Variants in TIAM2 observed in about 807,000 individuals in gnomAD.
TIAM2 encodes the protein rho guanine nucleotide exchange factor TIAM2.
TIAM2 carries 80 observed loss-of-function variants against 152.9 expected under a neutral mutation model. The ratio of observed to expected loss-of-function variants is 0.52; its 90% confidence interval spans 0.44 to 0.63. The LOEUF is 0.63. Ranked by LOEUF, TIAM2 falls within the 30% of genes least tolerant of loss-of-function variation. TIAM2 has a pLI of 0.00. For synonymous variants in TIAM2, 804 were observed against 838.0 expected (o/e 0.96, Z 0.70); for missense variants, 1,965 against 2,120.1 (o/e 0.93, Z 1.44).
In TIAM2 at chr6:154,995,766, C is replaced by G. The variant is rs1328544832; in HGVS notation, c.-209+274C>G. On this transcript the variant is annotated intron_variant, in intron 1 of 26. Transcript: ENST00000682666. This position sits in a 1 kb window ranked among gnomAD's most constrained non-coding sequence, Gnocchi z 5.2. ...TTCCAGAAGGCTCTGAAACTAGGTC[C>G]CCTGGTCCCCTCGCGCTGCGCGACA... Among the ~76,000 whole-genome samples the G allele has an allele frequency of 1.3e-5, 2 of 152,166 alleles. No homozygotes were observed. The highest frequency in any genetic ancestry group is 1.3e-4 in the Admixed American group (2 of 15,286).
intron 14 of TIAM2, among the ~76,000 whole-genome samples, chr6:155,201,545 A>G (rs960242318): frequency 3.3e-5 from 5 of 152,194 alleles, no homozygotes; most frequent in Non-Finnish European, 7.4e-5. Flanking sequence ...ATAAAACCCC[A>G]TGGGAGGCTC....
chr6:155,217,876 T>C (rs9383745), intron 15 of TIAM2, among the ~76,000 whole-genome samples: 7,231 of 152,350 alleles, frequency 0.047, 303 homozygotes, highest in East Asian at 0.21. Flanking sequence ...TGGTTTTTAG[T>C]GTACAGCGTG....
rs530977644 is a variant in TIAM2 at position 155,253,832 on chromosome 6, A to G, written c.4226-141A>G. 13 of 617,866 alleles carry G rather than the reference A, an allele frequency of 2.1e-5. 1 individual carries two copies. The South Asian group carries it at 2.7e-4, about 13-fold the overall frequency. The allele number at this position is 617,866 out of a possible 1,614,324, so 38.3% of individuals were successfully genotyped here. A position where few individuals can be genotyped will look rare whatever the true frequency, so the allele number is the denominator to read the frequency against. On this transcript the variant is annotated intron_variant, in intron 24 of 26. Coordinates refer to ENST00000682666, the MANE Select transcript of TIAM2 (RefSeq NM_012454.4). ...TCTTGTAACTGTGAAAATCATACAT[A>G]GAACAAGCCACAGAAGAAAATGAGC...
At chr6:155,244,943 TA>T (rs1289912185) in intron 18 of TIAM2, 160 bp downstream of exon 18, 6 of 931,106 alleles carry the variant, frequency 6.4e-6, no homozygotes, top group Non-Finnish European at 8.9e-6. Flanking sequence ...TGTCAGGTGG[TA>T]AAGGAAGGCT....
intron 1 of TIAM2, among the ~76,000 whole-genome samples, chr6:155,004,626 C>T (rs1384515964): frequency 6.6e-6 from 1 of 151,884 alleles, no homozygotes; most frequent in African/African-American, 2.4e-5. Context: ...AATCTCCTGA[C>T]CTTGTGATCT....
chr6:155,061,695 A>G (rs1347726181), intron 1 of TIAM2, among the ~76,000 whole-genome samples: 6 of 152,266 alleles, frequency 3.9e-5, no homozygotes, highest in African/African-American at 1.4e-4. Flanking sequence ...AGTTATTTAG[A>G]TCAGCTCCTT....
chr6:155,037,676 C>T lies in TIAM2; in HGVS notation c.-209+42184C>T, dbSNP rs529585366. Among the ~76,000 whole-genome samples, 545 of 152,172 alleles carry T rather than the reference C, an allele frequency of 3.6e-3. 2 individuals carry two copies. The highest frequency in any genetic ancestry group is 0.011 in the African/African-American group (473 of 41,518). ...CCTGAGTAGCTGGGATTAACAGGCA[C>T]GCACCACCACGCCTGCCTAATTTTT... is the stretch of plus-strand genomic sequence containing the variant. On this transcript the variant is annotated intron_variant, in intron 1 of 26. Transcript: ENST00000682666.
chr6:155,032,388 C>T (rs1333840624), intron 1 of TIAM2, among the ~76,000 whole-genome samples: 3 of 152,168 alleles, frequency 2.0e-5, no homozygotes, highest in African/African-American at 7.2e-5. Context: ...TCATGCGTGG[C>T]ATTAATCACT....
chr6:155,164,581 T>C lies in TIAM2; in HGVS notation c.2195T>C (p.Val732Ala). 1 of 1,613,208 alleles carries C rather than the reference T, an allele frequency of 6.2e-7. No individual in the cohort carries two copies. The highest frequency in any genetic ancestry group is 8.5e-7 in the Non-Finnish European group (1 of 1,179,368). Reference sequence around the variant, plus strand: ...CTCGGCAGGCTGGGCATCTTGTCTGTTTCCTCTTTCCATGCTCTGGTAAGT... The same window carrying C: ...CTCGGCAGGCTGGGCATCTTGTCTGCTTCCTCTTTCCATGCTCTGGTAAGT... ...LALGRLGILS[V>A]SSFHALVCSR... The change falls in exon 8 of 27, where the codon GTT becomes GCT. Residue 732 changes from valine (V) to alanine (A), a missense_variant. Physicochemically the swap from Val to Ala is moderately conservative, Grantham distance 64 (BLOSUM62 0). This residue lies in a region of TIAM2 where 1,025 missense variants were observed against 1,119.4 expected (regional missense o/e 0.92). Transcript: ENST00000682666.
chr6:155,240,738 C>G, intron 16 of TIAM2, 29 bp downstream of exon 16: 10 of 1,589,568 alleles, frequency 6.3e-6, no homozygotes, highest in Non-Finnish European at 8.6e-6. Context: ...TTTATGCATT[C>G]GTGCCTCTTT....
rs1187336477 is a variant in TIAM2, at chr6:155,100,206, T to C, written c.-118+9827T>C. ...AGCAGAAGTTTGGGTCGTCTGACTT[T>C]GTGGCTGTGAGACCTTGACTCACAG... On this transcript the variant is annotated intron_variant, in intron 2 of 26. Coordinates refer to ENST00000682666, the MANE Select transcript of TIAM2 (RefSeq NM_012454.4). Among the ~76,000 whole-genome samples, 3 of 152,174 alleles carry C rather than the reference T, an allele frequency of 2.0e-5. No individual in the cohort carries two copies. The East Asian group carries it at 5.8e-4, about 29-fold the overall frequency.
rs534018223 is a variant in TIAM2, at chr6:155,060,016, C to T, written c.-208-30273C>T. Among the ~76,000 whole-genome samples, 10 of 152,306 alleles carry T rather than the reference C, an allele frequency of 6.6e-5. No homozygotes were observed. The South Asian group carries it at 2.1e-3, about 32-fold the overall frequency. On this transcript the variant is annotated intron_variant, in intron 1 of 26. Coordinates refer to ENST00000682666, the MANE Select transcript of TIAM2 (RefSeq NM_012454.4). ...TATCTTGTTTCTCCTTAAAGTTTCA[C>T]CCGCTGCCTACTACCTTTATTATTC...
chr6:155,052,508 G>C (rs1420258861), intron 1 of TIAM2, among the ~76,000 whole-genome samples: 2 of 152,082 alleles, frequency 1.3e-5, no homozygotes, highest in Non-Finnish European at 2.9e-5. Flanking sequence ...GCTCACACCT[G>C]TAATCCTAGC....
intron 4 of TIAM2, among the ~76,000 whole-genome samples, chr6:155,134,644 G>GATA (rs1200724616): frequency 1.3e-5 from 2 of 152,076 alleles, no homozygotes; most frequent in Non-Finnish European, 2.9e-5. Context: ...TTATAACTGA[G>GATA]ATAATGTTAA....
chr6:155,101,365 G>A (rs186283800), intron 2 of TIAM2, among the ~76,000 whole-genome samples: 52 of 152,234 alleles, frequency 3.4e-4, no homozygotes, highest in African/African-American at 1.2e-3. Context: ...GTGTGGGGAA[G>A]CCCTCTTCAG....
chr6:155,197,761 A>C (rs544703664), intron 14 of TIAM2, among the ~76,000 whole-genome samples: 1 of 152,032 alleles, frequency 6.6e-6, no homozygotes, highest in Non-Finnish European at 1.5e-5. Context: ...AAACCATCAG[A>C]TCTCGTTTGA....
chr6:155,207,117 C>T (rs1244196990), intron 14 of TIAM2, among the ~76,000 whole-genome samples: 1 of 152,176 alleles, frequency 6.6e-6, no homozygotes, highest in Non-Finnish European at 1.5e-5. Flanking sequence ...GCAGCTGGTG[C>T]TCAGGATGTG....
At chr6:155,059,412 C>T (rs1310386531) in intron 1 of TIAM2, among the ~76,000 whole-genome samples, 7 of 152,144 alleles carry the variant, frequency 4.6e-5, no homozygotes, top group African/African-American at 1.7e-4. Flanking sequence ...GGACCTCCGC[C>T]TCCCAGGTTC....
intron 5 of TIAM2, among the ~76,000 whole-genome samples, chr6:155,143,779 C>T (rs545602479): frequency 2.4e-4 from 37 of 152,130 alleles, no homozygotes; most frequent in Non-Finnish European, 4.3e-4. Context: ...CACAGTGCAG[C>T]GGTGGGACCC....
Sources: gnomAD v4.1 joint callset for allele counts (sites outside exome capture counted in the v4.1 genomes callset) on GRCh38, gnomAD v4.1.1 for gene constraint, gnomAD v4.1.1 regional missense constraint, Gnocchi (gnomAD v3.1) non-coding constraint, MANE v1.5 for transcripts, NCBI Gene and HGNC (gene_info 2026-07-23, HGNC 2026-07-21) for gene names.